Variants in ARID4B observed in about 807,000 individuals in gnomAD.
ARID4B encodes AT-rich interaction domain 4B.
A neutral mutation model predicts 147.5 loss-of-function variants in ARID4B; 26 were observed. The ratio of observed to expected loss-of-function variants is 0.18; its 90% confidence interval spans 0.13 to 0.24. The LOEUF (loss-of-function observed/expected upper bound fraction) is 0.24, where lower values mean the gene tolerates loss of function less well. Ranked by LOEUF, ARID4B falls within the 10% of genes least tolerant of loss-of-function variation. ARID4B has a pLI of 1.00. For missense variants in ARID4B, 1,179 were observed against 1,511.5 expected, an observed-to-expected ratio of 0.78 and a Z score of 3.65; for synonymous variants, 512 against 507.9, an observed-to-expected ratio of 1.01 and a Z score of -0.11.
chr1:235,191,289 C>T (rs184045361), intron 19 of ARID4B, among the ~76,000 whole-genome samples: 93 of 151,788 alleles, frequency 6.1e-4, no homozygotes, highest in Admixed American at 3.7e-3. Flanking sequence ...GCTGTTGCTA[C>T]CCAGGCTAGA....
intron 2 of ARID4B, among the ~76,000 whole-genome samples, chr1:235,280,982 A>G (rs1190861163): frequency 6.6e-6 from 1 of 152,110 alleles, no homozygotes; most frequent in Non-Finnish European, 1.5e-5. Context: ...GTAACTTCTG[A>G]TTATTATTTT....
intron 17 of ARID4B, among the ~76,000 whole-genome samples, chr1:235,209,958 T>A (rs1666605136): frequency 6.6e-6 from 1 of 152,178 alleles, no homozygotes; most frequent in Admixed American, 6.5e-5. Flanking sequence ...CCAGGAGCAT[T>A]GGTTCATGTC....
intron 20 of ARID4B, chr1:235,181,292 T>A: frequency 1.8e-6 from 1 of 560,276 alleles, no homozygotes; most frequent in Non-Finnish European, 2.7e-6. Context: ...CCACTGCATA[T>A]AATGAATTCT....
chr1:235,326,931 G>A lies in ARID4B; in HGVS notation c.-12C>T, dbSNP rs761878399. ...AATCTTACCTTCATGATGACTCTGG[G>A]ACCAAGGTATCCTCTAAAACACCAG... On this transcript the variant is annotated 5_prime_UTR_variant, in exon 2 of 24. Coordinates refer to ENST00000264183, the MANE Select transcript of ARID4B (RefSeq NM_016374.6). 6.2e-6 allele frequency: 10 copies of A among 1,613,792 alleles called. No homozygotes were observed. Among genetic ancestry groups the A allele is most frequent in the Non-Finnish European group, 8.5e-6 (10 of 1,179,860 alleles).
intron 17 of ARID4B, among the ~76,000 whole-genome samples, chr1:235,211,245 C>G (rs557033606): frequency 6.6e-6 from 1 of 152,046 alleles, no homozygotes; most frequent in African/African-American, 2.4e-5. Context: ...GCAGGAGAAG[C>G]GCTTGAACCC....
chr1:235,195,977 G>A (rs531574004), intron 18 of ARID4B, 54 bp downstream of exon 18: 28 of 1,060,920 alleles, frequency 2.6e-5, no homozygotes, highest in Non-Finnish European at 3.6e-5. Flanking sequence ...TGCATCATTT[G>A]GAGGAAAACT....
chr1:235,172,072 A>G (rs767039091), intron 23 of ARID4B, among the ~76,000 whole-genome samples: 16 of 152,198 alleles, frequency 1.1e-4, no homozygotes, highest in Admixed American at 9.8e-4. Context: ...AGTGCTTTCA[A>G]TATCTGAAAT....
Position 235,315,989 on chromosome 1 carries a change from A to G in ARID4B, c.6+10925T>C, listed in dbSNP as rs1403084314. 3.3e-5 allele frequency among the ~76,000 whole-genome samples: 5 copies of G among 151,784 alleles called. No homozygotes were observed. The East Asian group carries it at 9.7e-4, about 29-fold the overall frequency. ...AAGCCTAGGAGTTCGAGACCAGCCA[A>G]CGCAACATACCAAGACTCTGATCTC... On this transcript the variant is annotated intron_variant, in intron 2 of 23. Coordinates refer to ENST00000264183, the MANE Select transcript of ARID4B (RefSeq NM_016374.6).
At chr1:235,208,070 T>C (rs980245845) in intron 17 of ARID4B, among the ~76,000 whole-genome samples, 2 of 152,146 alleles carry the variant, frequency 1.3e-5, no homozygotes, top group African/African-American at 2.4e-5. Context: ...CTAACTAAAT[T>C]TGCAACTCTT....
chr1:235,208,659 T>C (rs1047559981), intron 17 of ARID4B, among the ~76,000 whole-genome samples: 4 of 146,636 alleles, frequency 2.7e-5, no homozygotes, highest in Admixed American at 7.0e-5. Context: ...TGTGCCTCCA[T>C]GCCTGGCTAA....
At chr1:235,214,837 C>T (rs1192467823) in intron 16 of ARID4B, among the ~76,000 whole-genome samples, 6 of 102,326 alleles carry the variant, frequency 5.9e-5, no homozygotes, top group South Asian at 3.8e-4. Context: ...GTATTACATC[C>T]TTTTTTTTTT....
At chr1:235,241,154 A>G (rs963271109) in intron 7 of ARID4B, among the ~76,000 whole-genome samples, 1 of 152,234 alleles carries the variant, frequency 6.6e-6, no homozygotes, top group Non-Finnish European at 1.5e-5. Flanking sequence ...AAGGAAAACA[A>G]AACAAAAAGC....
chr1:235,298,490 TTA>T (rs1035863009), intron 2 of ARID4B, among the ~76,000 whole-genome samples: 3 of 148,776 alleles, frequency 2.0e-5, no homozygotes, highest in African/African-American at 7.3e-5. Context: ...TAACGTATAT[TTA>T]TATATATCCA....
chr1:235,183,711 T>C (rs1410797957), intron 19 of ARID4B, among the ~76,000 whole-genome samples: 1 of 151,990 alleles, frequency 6.6e-6, no homozygotes, highest in Non-Finnish European at 1.5e-5. Context: ...CTCTCATTTT[T>C]CTTTCCTTTG....
At chr1:235,308,876 C>T (rs1469370939) in intron 2 of ARID4B, among the ~76,000 whole-genome samples, 1 of 152,240 alleles carries the variant, frequency 6.6e-6, no homozygotes, top group Non-Finnish European at 1.5e-5. Context: ...GCCGAGAGTG[C>T]AGCCTCTGCC....
intron 20 of ARID4B, chr1:235,180,414 G>C (rs1664240089): frequency 1.3e-5 from 2 of 151,822 alleles, no homozygotes; most frequent in African/African-American, 4.8e-5. Flanking sequence ...CAAATTGCTG[G>C]GATTACAGGT....
chr1:235,272,246 T>C lies in ARID4B; in HGVS notation c.7-11494A>G, dbSNP rs914142288. Among the ~76,000 whole-genome samples the C allele has an allele frequency of 2.6e-5, 4 of 152,180 alleles. No individual in the cohort carries two copies. In the East Asian group the frequency reaches 7.7e-4, roughly 29 times the overall value. ...TAACACTATATACTGACTTTCCTTT[T>C]CCCAAATATACCAACATTTTGCAAA... On this transcript the variant is annotated intron_variant, in intron 2 of 23. Transcript: ENST00000264183.
chr1:235,168,449 T>G lies in ARID4B; in HGVS notation c.*76A>C. The stretch of plus-strand genomic sequence containing the variant: ...AAATAGTGCTTGTCTGATATTTTTT[T>G]GTGCCACTGTGCAGTATAAAAAAAA... On this transcript the variant is annotated 3_prime_UTR_variant, in exon 24 of 24. Coordinates refer to ENST00000264183, the MANE Select transcript of ARID4B (RefSeq NM_016374.6). The G allele has an allele frequency of 1.4e-6, 2 of 1,447,438 alleles. No homozygotes were observed. Among genetic ancestry groups the G allele is most frequent in the Middle Eastern group, 1.9e-4 (1 of 5,368 alleles). The allele number at this position is 1,447,438 out of a possible 1,614,324, so 89.7% of individuals were successfully genotyped here.
chr1:235,223,276 C>T lies in ARID4B; in HGVS notation c.971-16G>A, dbSNP rs1406031306. 1 of 1,399,402 alleles carries T rather than the reference C, an allele frequency of 7.1e-7. No individual in the cohort carries two copies. Among genetic ancestry groups the T allele is most frequent in the Non-Finnish European group, 9.8e-7 (1 of 1,023,604 alleles). The allele number at this position is 1,399,402 out of a possible 1,614,324, so 86.7% of individuals were successfully genotyped here. A position where few individuals can be genotyped will look rare whatever the true frequency, so the allele number is the denominator to read the frequency against. On this transcript the variant is annotated splice_polypyrimidine_tract_variant and intron_variant, in intron 12 of 23. Transcript: ENST00000264183. ...ATAGGTGTACCTGTTACAGAAAACACAAACTATATTAGATCCACACTACAT... is the reference window on the plus strand; with the variant it reads ...ATAGGTGTACCTGTTACAGAAAACATAAACTATATTAGATCCACACTACAT...
Sources: gnomAD v4.1 joint callset for allele counts (sites outside exome capture counted in the v4.1 genomes callset) on GRCh38, gnomAD v4.1.1 for gene constraint, MANE v1.5 for transcripts, NCBI Gene and HGNC (gene_info 2026-07-23, HGNC 2026-07-21) for gene names.